Variants in PPP1R12C observed in about 807,000 individuals in gnomAD.
The protein encoded by PPP1R12C is leukocyte receptor cluster (LRC) encoded novel gene 3.
Under a neutral mutation model 95.6 loss-of-function variants are expected in PPP1R12C, and 48 were observed. The ratio of observed to expected loss-of-function variants is 0.50; its 90% CI spans 0.40 to 0.64. The LOEUF is 0.64. Among genes scored for constraint, PPP1R12C ranks in the 30% least tolerant of loss-of-function variants. The probability of loss-of-function intolerance (pLI) is 0.00; values close to 1 mark genes in which losing one functional copy is unlikely to be tolerated. For missense variants in PPP1R12C, 1,057 were observed against 1,083.3 expected (o/e 0.98, Z 0.34); for synonymous variants, 480 against 460.8 (o/e 1.04, Z -0.53).
intron 4 of PPP1R12C, among the ~76,000 whole-genome samples, chr19:55,101,410 A>G (rs2084977479): frequency 6.6e-6 from 1 of 152,174 alleles, no homozygotes; most frequent in South Asian, 2.1e-4. Context: ...CAGTACCCAC[A>G]CAGGCCCCCT....
At chr19:55,110,136 TC>T (rs374516496) in intron 3 of PPP1R12C, among the ~76,000 whole-genome samples, 78 of 152,090 alleles carry the variant, frequency 5.1e-4, no homozygotes, top group African/African-American at 1.9e-3. Context: ...ATTCCCGGCC[TC>T]CCTGGGGTCC....
chr19:55,097,824 C>T (rs73060927), intron 6 of PPP1R12C, among the ~76,000 whole-genome samples: 1,623 of 152,246 alleles, frequency 0.011, 18 homozygotes, highest in Non-Finnish European at 0.017. Flanking sequence ...CATATCTGGG[C>T]CCCCTGAGCT....
rs1602967933 is a variant in PPP1R12C at position 55,092,458 on chromosome 19, T to C, written c.2039A>G (p.Asp680Gly). ...GGATCGCACCGTCCTAAAGCCTCCG[T>C]CTGGCTCTTCCGATTCTGGCTCAGG... is the stretch of plus-strand genomic sequence containing the variant. ...PEPEPESEEP[D>G]GGFRTLYAEL... The change falls in exon 18 of 22, where the codon GAC becomes GGC. Residue 680 changes from aspartate (D) to glycine (G), a missense_variant. Transcript: ENST00000263433. The C allele has an allele frequency of 1.2e-6, 2 of 1,609,426 alleles. No individual in the cohort carries two copies. The highest frequency in any genetic ancestry group is 4.5e-5 in the East Asian group (2 of 44,686).
intron 1 of PPP1R12C, chr19:55,113,837 A>G (rs529101919): frequency 4.9e-6 from 1 of 203,568 alleles, no homozygotes; most frequent in Middle Eastern, 1.6e-3. Context: ...GGGGGCAAGG[A>G]GAGCAATGGG....
At chr19:55,096,388 A>G in intron 6 of PPP1R12C, 53 bp from the exon 7 acceptor site, 2 of 1,569,394 alleles carry the variant, frequency 1.3e-6, no homozygotes, top group South Asian at 2.2e-5. Context: ...CGTGCCCCAC[A>G]GCAACACCAC....
intron 3 of PPP1R12C, chr19:55,112,152 T>C (rs2085102590): frequency 3.6e-6 from 1 of 277,236 alleles, no homozygotes; most frequent in Admixed American, 4.8e-5. Flanking sequence ...CAATCCTACC[T>C]AACGCACTCC....
In PPP1R12C at chr19:55,091,557, G is replaced by A; in HGVS notation, c.2264C>T (p.Ala755Val). 1 of 1,613,578 alleles carries A rather than the reference G, an allele frequency of 6.2e-7. No individual in the cohort carries two copies. Among genetic ancestry groups the A allele is most frequent in the Admixed American group, 1.7e-5 (1 of 60,012 alleles). ...KAAELEEELK[A>V]LSDLRADNQR... is the part of the protein sequence containing the mutation. Reference sequence around the variant, plus strand: ...GTTGTCAGCGCGGAGGTCAGACAGGGCCTGGGGGACGGCAAGGGTCAGCTG... The same window carrying A: ...GTTGTCAGCGCGGAGGTCAGACAGGACCTGGGGGACGGCAAGGGTCAGCTG... Residue 755 changes from alanine to valine, a missense_variant and splice_region_variant, in exon 22 of 22, where the codon GCC becomes GTC. Coordinates refer to ENST00000263433, the MANE Select transcript of PPP1R12C (RefSeq NM_017607.4).
In PPP1R12C at chr19:55,093,045, A is replaced by G. The variant is rs1242883272; in HGVS notation, c.1796T>C (p.Val599Ala). 2 of 1,591,660 alleles carry G rather than the reference A, an allele frequency of 1.3e-6. No individual in the cohort carries two copies. The highest frequency in any genetic ancestry group is 2.2e-5 in the East Asian group (1 of 44,680). The change falls in exon 15 of 22, where the codon GTG becomes GCG. Residue 599 changes from valine to alanine, a missense_variant. Physicochemically the swap from Val to Ala is moderately conservative, Grantham distance 64. Transcript: ENST00000263433. The part of the protein sequence containing the change: ...DPSRRPRVPG[V>A]ENSDSPAQRA... ...CTGGGCAGGGCTGTCAGAGTTCTCC[A>G]CTCCAGGGACGCGGGGCCTTCGGGA...
At chr19:55,113,182 T>C in intron 1 of PPP1R12C, 2 of 478,816 alleles carry the variant, frequency 4.2e-6, no homozygotes, top group Non-Finnish European at 7.3e-6. Context: ...CCCCTCCTCC[T>C]TCAGAGCCAG....
At chr19:55,106,457 C>T (rs1457658737) in intron 3 of PPP1R12C, among the ~76,000 whole-genome samples, 1 of 152,234 alleles carries the variant, frequency 6.6e-6, no homozygotes, top group Non-Finnish European at 1.5e-5. Context: ...CAGAAATCAG[C>T]TCCCGTGTCC....
Position 55,091,215 on chromosome 19 carries a change from C to T in PPP1R12C, c.*257G>A, listed in dbSNP as rs1292301905. The T allele has an allele frequency of 5.5e-6, 3 of 545,524 alleles. No homozygotes were observed. In the East Asian group the frequency reaches 9.5e-5, roughly 17 times the overall value. 33.8% of individuals were successfully genotyped at this position (545,524 alleles called of 1,614,324 possible). A position where few individuals can be genotyped will look rare whatever the true frequency, so the allele number is the denominator to read the frequency against. On this transcript the variant is annotated 3_prime_UTR_variant, in exon 22 of 22. Transcript: ENST00000263433. ...CCTTGCACTTCTTGGTCCTCAGTTCCTTCCTGGTCCCGTCTCTGGCCCTGG... is the reference window on the plus strand; with the variant it reads ...CCTTGCACTTCTTGGTCCTCAGTTCTTTCCTGGTCCCGTCTCTGGCCCTGG...
chr19:55,117,619 C>T lies in PPP1R12C; in HGVS notation c.-76G>A. On this transcript the variant is annotated 5_prime_UTR_variant, in exon 1 of 22. Transcript: ENST00000263433. The stretch of plus-strand genomic sequence containing the variant: ...GCCACCACCCGCCCGCCCGCCCGCC[C>T]CGGGGGCCGCCGGGAACTGCCGCTG... The T allele has an allele frequency of 1.1e-6, 1 of 895,362 alleles. No homozygotes were observed. The highest frequency in any genetic ancestry group is 5.1e-5 in the South Asian group (1 of 19,784). The allele number at this position is 895,362 out of a possible 1,614,324, so 55.5% of individuals were successfully genotyped here.
chr19:55,093,338 G>T, intron 13 of PPP1R12C, 105 bp from the exon 14 acceptor site: 1 of 159,382 alleles, frequency 6.3e-6, no homozygotes, highest in South Asian at 2.1e-4. Context: ...TCAGACCCAG[G>T]AGCCCAGACC....
At chr19:55,113,334 G>A (rs1226050084) in intron 1 of PPP1R12C, 1 of 1,286,700 alleles carries the variant, frequency 7.8e-7, no homozygotes, top group Non-Finnish European at 1.0e-6. Context: ...GCCACCCTGT[G>A]CTGGGACAGA....
chr19:55,098,078 C>T (rs995388103), intron 6 of PPP1R12C, among the ~76,000 whole-genome samples: 2 of 152,234 alleles, frequency 1.3e-5, no homozygotes, highest in Non-Finnish European at 1.5e-5. Flanking sequence ...CCCCTGCCCA[C>T]GCACCAGAAG....
intron 4 of PPP1R12C, among the ~76,000 whole-genome samples, chr19:55,102,420 G>A (rs776604752): frequency 6.6e-6 from 1 of 152,216 alleles, no homozygotes; most frequent in African/African-American, 2.4e-5. Context: ...GCTGAGGCAG[G>A]AGAATTCCTT....
At position 55,096,296 on chromosome 19, in the gene PPP1R12C, CCTGGCCCCGGCT is replaced by C; in HGVS notation, c.979_990del (p.Ser327_Gln330del). ...TTGCTGCTAGAGGGCGCTTGGGGCT[CCTGGCCCCGGCT>C]CTGGGAAGCTTCTTTTTGGTTCCGA... On this transcript the variant is annotated inframe_deletion, in exon 7 of 22. Transcript: ENST00000263433. 1 of 1,613,824 alleles carries C rather than the reference CCTGGCCCCGGCT, an allele frequency of 6.2e-7. No individual in the cohort carries two copies. The highest frequency in any genetic ancestry group is 2.2e-5 in the East Asian group (1 of 44,858).
chr19:55,096,313 G>A lies in PPP1R12C; in HGVS notation c.974C>T (p.Ser325Phe). 6.2e-7 allele frequency: 1 copy of A among 1,613,604 alleles called. No homozygotes were observed. The highest frequency in any genetic ancestry group is 8.5e-7 in the Non-Finnish European group (1 of 1,179,888). Residue 325 changes from serine (S) to phenylalanine (F), a missense_variant, in exon 7 of 22, where the codon TCC becomes TTC. Ser to Phe is a radical substitution (Grantham distance 155). Transcript: ENST00000263433. ...TTGGGGCTCCTGGCCCCGGCTCTGG[G>A]AAGCTTCTTTTTGGTTCCGAAGCTG... Reference protein sequence around the residue: ...QEDLRNQKEASQSRGQEPQAP... With the variant: ...QEDLRNQKEAFQSRGQEPQAP...
intron 19 of PPP1R12C, 113 bp from the exon 20 acceptor site, chr19:55,092,022 C>G: frequency 7.5e-7 from 1 of 1,332,730 alleles, no homozygotes. Flanking sequence ...ACAAGCCCTT[C>G]CCCCACGGGC....
Sources: gnomAD v4.1 joint callset for allele counts (sites outside exome capture counted in the v4.1 genomes callset) on GRCh38, gnomAD v4.1.1 for gene constraint, MANE v1.5 for transcripts, NCBI Gene and HGNC (gene_info 2026-07-23, HGNC 2026-07-21) for gene names.